The following ARPC1A variants were observed in gnomAD, a reference collection of about 807,000 sequenced individuals.
ARPC1A encodes the protein actin related protein 2/3 complex subunit 1A, also known as actin-related protein 2/3 complex subunit 1A.
A neutral mutation model predicts 46.9 loss-of-function variants in ARPC1A; 8 were observed. That is an observed-to-expected ratio of 0.17 (90% CI 0.10 to 0.31). The LOEUF (loss-of-function observed/expected upper bound fraction) is 0.31, where lower values mean the gene tolerates loss of function less well. Among genes scored for constraint, ARPC1A ranks in the 10% least tolerant of loss-of-function variants. ARPC1A has a pLI of 1.00. For synonymous variants in ARPC1A, 152 were observed against 169.0 expected (o/e 0.90, Z 0.78); for missense variants, 286 against 483.6 (o/e 0.59, Z 3.83).
At chr7:99,342,715 A>AC (rs1562798537) in intron 3 of ARPC1A, among the ~76,000 whole-genome samples, 5 of 135,596 alleles carry the variant, frequency 3.7e-5, no homozygotes, top group African/African-American at 1.5e-4. Context: ...TCTTCATACT[A>AC]CTTTTTTTTT....
At chr7:99,326,145 G>C (rs1056662078) in intron 1 of ARPC1A, 141 bp downstream of exon 1, 5 of 152,180 alleles carry the variant, frequency 3.3e-5, no homozygotes, top group African/African-American at 1.2e-4. Flanking sequence ...CTCCCTGCCG[G>C]GGCCTCCTGA....
At chr7:99,343,656 C>G (rs1562798840) in intron 3 of ARPC1A, among the ~76,000 whole-genome samples, 2 of 151,992 alleles carry the variant, frequency 1.3e-5, no homozygotes. Context: ...AAAAATAAAC[C>G]TTACATTCAG....
At chr7:99,348,413 A>G (rs935143305) in intron 4 of ARPC1A, among the ~76,000 whole-genome samples, 3 of 152,136 alleles carry the variant, frequency 2.0e-5, no homozygotes, top group African/African-American at 7.2e-5. Flanking sequence ...TCCTTTAGCA[A>G]TGCACCTTGT....
chr7:99,359,796 G>C (rs1436775941), intron 8 of ARPC1A, 58 bp downstream of exon 8: 1 of 1,581,052 alleles, frequency 6.3e-7, no homozygotes, highest in Admixed American at 1.7e-5. Flanking sequence ...GCCCCTCGCT[G>C]TTTCCTTACT....
chr7:99,358,448 C>T, intron 7 of ARPC1A, 33 bp downstream of exon 7: 8 of 1,586,452 alleles, frequency 5.0e-6, no homozygotes, highest in Non-Finnish European at 6.9e-6. Flanking sequence ...CCTCGGGGTG[C>T]ACTGTATGTG....
At position 99,363,597 on chromosome 7, in the gene ARPC1A, T is replaced by G; in HGVS notation, c.1038T>G (p.Thr346=). The change falls in exon 9 of 10, where the codon ACT becomes ACG. Residue 346 remains threonine, a synonymous_variant. Coordinates refer to ENST00000262942, the MANE Select transcript of ARPC1A (RefSeq NM_006409.4). ...AAGATTGTCGCAAATTTTGCACTAC[T>G]GGCATCGATGGAGCCATGACAATTT... is the stretch of plus-strand genomic sequence containing the variant. ...DKQDCRKFCT[T]GIDGAMTIWD... 1 of 1,613,254 alleles carries G rather than the reference T, an allele frequency of 6.2e-7. No homozygotes were observed. Among genetic ancestry groups the G allele is most frequent in the South Asian group, 1.1e-5 (1 of 90,678 alleles).
chr7:99,359,886 C>T (rs922480557), intron 8 of ARPC1A, 148 bp downstream of exon 8: 80 of 920,178 alleles, frequency 8.7e-5, no homozygotes, highest in Non-Finnish European at 1.1e-4. Flanking sequence ...TGTATCTTCC[C>T]GACCGCCAGG....
At chr7:99,337,001 C>T (rs1793266255) in intron 2 of ARPC1A, among the ~76,000 whole-genome samples, 1 of 151,586 alleles carries the variant, frequency 6.6e-6, no homozygotes, top group Non-Finnish European at 1.5e-5. Flanking sequence ...AACAGATGAA[C>T]TAGATGGGGT....
chr7:99,328,317 T>C (rs901452491), intron 1 of ARPC1A, among the ~76,000 whole-genome samples: 2 of 152,056 alleles, frequency 1.3e-5, no homozygotes, highest in African/African-American at 4.8e-5. Context: ...TGCGGTGAGC[T>C]GAGATCACAC....
At position 99,358,487 on chromosome 7, in the gene ARPC1A, T is replaced by C. The variant is rs1793680627; in HGVS notation, c.789+72T>C. ...CTCAGACAGGGAACAATGTGTGCTCTGTCACCCTAGCACAAAGCAGAACAG... is the reference window on the plus strand; with the variant it reads ...CTCAGACAGGGAACAATGTGTGCTCCGTCACCCTAGCACAAAGCAGAACAG... On this transcript the variant is annotated intron_variant, in intron 7 of 9. Coordinates refer to ENST00000262942, the MANE Select transcript of ARPC1A (RefSeq NM_006409.4). 2.2e-6 allele frequency: 3 copies of C among 1,363,350 alleles called. No homozygotes were observed. In the African/African-American group the frequency reaches 4.3e-5, roughly 19 times the overall value. The allele number at this position is 1,363,350 out of a possible 1,614,324, so 84.5% of individuals were successfully genotyped here. A position where few individuals can be genotyped will look rare whatever the true frequency, so the allele number is the denominator to read the frequency against.
At chr7:99,364,567 C>T (rs1793799429) in intron 9 of ARPC1A, among the ~76,000 whole-genome samples, 1 of 152,008 alleles carries the variant, frequency 6.6e-6, no homozygotes, top group African/African-American at 2.4e-5. Context: ...CCACTGCGCC[C>T]AGCCAGAGAT....
intron 9 of ARPC1A, 129 bp from the exon 10 acceptor site, chr7:99,365,762 C>T: frequency 1.0e-6 from 1 of 962,282 alleles, no homozygotes; most frequent in South Asian, 1.5e-5. Context: ...GATCCTGTTT[C>T]AGGTGGGGCA....
rs1584374569 is a variant in ARPC1A at position 99,333,206 on chromosome 7, T to G, written c.-29-119T>G. On this transcript the variant is annotated intron_variant, in intron 1 of 9. Transcript: ENST00000262942. ...CACCGTGCCTGGCCAGATTATTTTT[T>G]AATGGGAGGACAATGTTTTATTTAT... The G allele has an allele frequency of 9.9e-6, 7 of 710,338 alleles. No individual in the cohort carries two copies. The East Asian group carries it at 2.0e-4, about 20-fold the overall frequency. 44.0% of individuals were successfully genotyped at this position (710,338 alleles called of 1,614,324 possible). A position where few individuals can be genotyped will look rare whatever the true frequency, so the allele number is the denominator to read the frequency against.
At chr7:99,330,254 G>A (rs1254132200) in intron 1 of ARPC1A, among the ~76,000 whole-genome samples, 2 of 152,054 alleles carry the variant, frequency 1.3e-5, no homozygotes, top group Admixed American at 6.6e-5. Context: ...CCAGTTCAAG[G>A]TATCAGATGT....
intron 5 of ARPC1A, among the ~76,000 whole-genome samples, chr7:99,349,682 T>A (rs992068142): frequency 2.0e-5 from 3 of 151,740 alleles, no homozygotes; most frequent in Non-Finnish European, 4.4e-5. Context: ...ACTAAAAAAA[T>A]ACAAAAAATT....
intron 1 of ARPC1A, among the ~76,000 whole-genome samples, chr7:99,330,836 C>T (rs1472116258): frequency 6.6e-6 from 1 of 152,106 alleles, no homozygotes; most frequent in Non-Finnish European, 1.5e-5. Context: ...AGGGTGCCTC[C>T]TGGAAATGAT....
intron 9 of ARPC1A, among the ~76,000 whole-genome samples, chr7:99,365,624 AAAAAAAG>A (rs1793824587): frequency 1.3e-5 from 2 of 151,640 alleles, no homozygotes; most frequent in Admixed American, 1.3e-4. Flanking sequence ...TTAAAAAAAA[AAAAAAAG>A]AGGAGTGAGG....
At position 99,348,934 on chromosome 7, in the gene ARPC1A, G is replaced by A; in HGVS notation, c.475G>A (p.Ala159Thr). 1 of 1,614,046 alleles carries A rather than the reference G, an allele frequency of 6.2e-7. No homozygotes were observed. Among genetic ancestry groups the A allele is most frequent in the Non-Finnish European group, 8.5e-7 (1 of 1,179,956 alleles). Residue 159 changes from alanine to threonine, a missense_variant, in exon 5 of 10, where the codon GCA becomes ACA. Around this residue, in one of 5 missense-constraint regions of ARPC1A, gnomAD observed 11 missense variants for 32.4 expected, o/e 0.34. Coordinates refer to ENST00000262942, the MANE Select transcript of ARPC1A (RefSeq NM_006409.4). The part of the protein sequence containing the change: ...DWHPNNVLLA[A>T]GSCDFKCRVF... Reference sequence around the variant, plus strand: ...GCATCCCAACAACGTTTTGCTGGCAGCAGGATCATGTGACTTCAAATGCAG... The same window carrying A: ...GCATCCCAACAACGTTTTGCTGGCAACAGGATCATGTGACTTCAAATGCAG...
intron 3 of ARPC1A, among the ~76,000 whole-genome samples, chr7:99,341,850 T>G (rs1562798289): frequency 6.6e-6 from 1 of 152,058 alleles, no homozygotes; most frequent in African/African-American, 2.4e-5. Flanking sequence ...TAAATATAAC[T>G]CTGGGGCAGG....
Sources: allele counts gnomAD v4.1 joint callset (sites outside exome capture counted in the v4.1 genomes callset), GRCh38; gene constraint gnomAD v4.1.1; regional missense constraint gnomAD v4.1.1; transcripts MANE v1.5; gene names NCBI Gene and HGNC (gene_info 2026-07-23, HGNC 2026-07-21).